Variants in NBAS observed in about 807,000 individuals in gnomAD.
NBAS encodes NAG/BC035112 fusion.
NBAS carries 219 observed loss-of-function variants against 302.5 expected under a neutral mutation model. The observed-to-expected ratio is 0.72, with a 90% CI of 0.65 to 0.81. The LOEUF is 0.81. NBAS is among the 30% of genes least tolerant of loss of function. The pLI, the probability that NBAS is intolerant of heterozygous loss-of-function variation, is 0.00. For synonymous variants in NBAS, 1,118 were observed against 1,021.6 expected, an observed-to-expected ratio of 1.09 and a Z score of -1.80; for missense variants, 2,932 against 2,841.6, an observed-to-expected ratio of 1.03 and a Z score of -0.72.
At chr2:15,392,022 C>CAAA (rs148135728) in intron 28 of NBAS, among the ~76,000 whole-genome samples, 8 of 149,448 alleles carry the variant, frequency 5.4e-5, no homozygotes, top group South Asian at 2.1e-4. Context: ...CTAGCACTAC[C>CAAA]AAAAAAAAAA....
At chr2:15,459,059 G>A (rs1679385784) in intron 21 of NBAS, among the ~76,000 whole-genome samples, 1 of 152,078 alleles carries the variant, frequency 6.6e-6, no homozygotes, top group Non-Finnish European at 1.5e-5. Flanking sequence ...AGGAACCACA[G>A]GGCATTCAAA....
At chr2:14,832,297 G>A in the NBAS span, among the ~76,000 whole-genome samples, 2 of 152,124 alleles carry the variant, frequency 1.3e-5, no homozygotes, top group Non-Finnish European at 1.5e-5. Context: ...GTTTTACTTT[G>A]TTGGTACAAG....
chr2:15,003,080 C>T, the NBAS span, among the ~76,000 whole-genome samples: 2 of 152,218 alleles, frequency 1.3e-5, no homozygotes, highest in Non-Finnish European at 2.9e-5. Flanking sequence ...TGAGGACTGC[C>T]AGCACACTGT....
chr2:15,169,496 C>A (rs191365116), intron 51 of NBAS, among the ~76,000 whole-genome samples: 3 of 152,176 alleles, frequency 2.0e-5, no homozygotes, highest in Admixed American at 6.5e-5. Flanking sequence ...ACGGTGTCTA[C>A]GTGCCAGAAC....
chr2:14,816,703 T>A, the NBAS span, among the ~76,000 whole-genome samples: 1 of 152,202 alleles, frequency 6.6e-6, no homozygotes, highest in African/African-American at 2.4e-5. Flanking sequence ...ACCTCAGCAA[T>A]CCATTGTACA....
the NBAS span, among the ~76,000 whole-genome samples, chr2:14,812,217 C>T: frequency 6.6e-6 from 1 of 152,082 alleles, no homozygotes; most frequent in Non-Finnish European, 1.5e-5. Context: ...AAAATGGTGG[C>T]CAGGTTACAA....
chr2:14,812,907 C>T, the NBAS span, among the ~76,000 whole-genome samples: 2 of 152,098 alleles, frequency 1.3e-5, no homozygotes, highest in Non-Finnish European at 2.9e-5. Flanking sequence ...TATGGTTTAG[C>T]ACCATCCCCC....
At chr2:15,258,993 A>G (rs1668731390) in intron 44 of NBAS, among the ~76,000 whole-genome samples, 1 of 151,882 alleles carries the variant, frequency 6.6e-6, no homozygotes, top group Non-Finnish European at 1.5e-5. Context: ...CTCTCTTTGT[A>G]CTCTTTCTCT....
At chr2:15,557,769 G>C (rs908918539) in intron 2 of NBAS, among the ~76,000 whole-genome samples, 1 of 151,868 alleles carries the variant, frequency 6.6e-6, no homozygotes, top group Admixed American at 6.6e-5. Flanking sequence ...TCATAAAGGA[G>C]TAACGGCACC....
At chr2:15,407,729 C>A (rs1198056591) in intron 25 of NBAS, among the ~76,000 whole-genome samples, 1 of 152,156 alleles carries the variant, frequency 6.6e-6, no homozygotes, top group Non-Finnish European at 1.5e-5. Context: ...TTGTAGTTTT[C>A]TGTATTTATG....
At chr2:15,017,666 G>T in the NBAS span, among the ~76,000 whole-genome samples, 6 of 151,954 alleles carry the variant, frequency 3.9e-5, no homozygotes, top group African/African-American at 1.4e-4. Context: ...CATAAAAAGT[G>T]CTGGTGAAGA....
chr2:14,901,359 G>T, the NBAS span, among the ~76,000 whole-genome samples: 1 of 151,840 alleles, frequency 6.6e-6, no homozygotes, highest in African/African-American at 2.4e-5. Flanking sequence ...AAGGAGTTTA[G>T]TAATAAAAAA....
At chr2:15,016,362 T>C in the NBAS span, among the ~76,000 whole-genome samples, 1 of 152,168 alleles carries the variant, frequency 6.6e-6, no homozygotes, top group Non-Finnish European at 1.5e-5. Flanking sequence ...TTATGGGAGC[T>C]ACAGTTTGGT....
intron 24 of NBAS, among the ~76,000 whole-genome samples, chr2:15,416,829 A>G (rs200593001): frequency 7.3e-5 from 11 of 151,332 alleles, no homozygotes; most frequent in Non-Finnish European, 1.3e-4. Flanking sequence ...AAAAAAAAAA[A>G]GGAAGATAAA....
intron 23 of NBAS, among the ~76,000 whole-genome samples, chr2:15,422,396 T>C (rs907409489): frequency 6.6e-6 from 1 of 152,200 alleles, no homozygotes; most frequent in East Asian, 1.9e-4. Flanking sequence ...TCTTCAATGC[T>C]AACAAATGTA....
chr2:15,009,464 A>G, the NBAS span, among the ~76,000 whole-genome samples: 19 of 151,916 alleles, frequency 1.3e-4, no homozygotes, highest in Non-Finnish European at 2.2e-4. Flanking sequence ...CTATTTTCAG[A>G]GCCCAAAATG....
At chr2:14,964,759 A>G in the NBAS span, among the ~76,000 whole-genome samples, 2 of 152,194 alleles carry the variant, frequency 1.3e-5, no homozygotes, top group African/African-American at 4.8e-5. Flanking sequence ...TACACAGGAC[A>G]CACTGGTCAG....
the NBAS span, among the ~76,000 whole-genome samples, chr2:15,103,255 T>A: frequency 7.2e-5 from 11 of 152,166 alleles, no homozygotes; most frequent in Non-Finnish European, 1.6e-4. Context: ...AGCTCCTTTT[T>A]TCCCTTTGAG....
the NBAS span, among the ~76,000 whole-genome samples, chr2:15,022,094 T>C: frequency 0.012 from 1,888 of 152,218 alleles, 41 homozygotes; most frequent in African/African-American, 0.044. Context: ...TGGCCTCAGC[T>C]GCGGGGTGTC....
Sources: gnomAD v4.1 joint callset for allele counts (sites outside exome capture counted in the v4.1 genomes callset) on GRCh38, gnomAD v4.1.1 for gene constraint, MANE v1.5 for transcripts, NCBI Gene and HGNC (gene_info 2026-07-23, HGNC 2026-07-21) for gene names.